PKP4: variants seen among roughly 807,000 people sequenced by gnomAD.
The protein encoded by PKP4 is plakophilin-4.
Under a neutral mutation model 145.1 loss-of-function variants are expected in PKP4, and 90 were observed. The ratio of observed to expected loss-of-function variants is 0.62; its 90% CI spans 0.52 to 0.74. The LOEUF (loss-of-function observed/expected upper bound fraction) is 0.74. Among genes scored for constraint, PKP4 ranks in the 30% least tolerant of loss-of-function variants. The probability of loss-of-function intolerance (pLI) is 0.00; values close to 1 mark genes in which losing one functional copy is unlikely to be tolerated. For missense variants in PKP4, 1,340 were observed against 1,482.7 expected (o/e 0.90, Z 1.58); for synonymous variants, 563 against 577.2 (o/e 0.98, Z 0.35).
At chr2:158,506,561 CTGAT>C (rs1189462262) in intron 1 of PKP4, among the ~76,000 whole-genome samples, 1 of 152,188 alleles carries the variant, frequency 6.6e-6, no homozygotes, top group Non-Finnish European at 1.5e-5. Context: ...TGCTTCTTGA[CTGAT>C]TGTGTATTTG....
intron 21 of PKP4, among the ~76,000 whole-genome samples, chr2:158,679,958 C>G (rs34315036): frequency 1.2e-3 from 184 of 152,328 alleles, no homozygotes; most frequent in African/African-American, 4.3e-3. Context: ...AGTAAATGTT[C>G]TAAAAGATGG....
Position 158,640,687 on chromosome 2 carries a change from C to T in PKP4, c.1623C>T (p.Phe541=), listed in dbSNP as rs375964354. ...PEVIHMLQHQ[F]PSVQANAAAY... ...TCATTCACATGCTTCAGCACCAGTT[C>T]CCATCTGTTCAGGCAAATGCAGCGG... The change falls in exon 10 of 22, where the codon TTC becomes TTT. Residue 541 remains phenylalanine, a synonymous_variant. Coordinates refer to ENST00000389759, the MANE Select transcript of PKP4 (RefSeq NM_003628.6). 7.4e-6 allele frequency: 12 copies of T among 1,613,892 alleles called. No individual in the cohort carries two copies. Among genetic ancestry groups the T allele is most frequent in the Admixed American group, 5.0e-5 (3 of 59,992 alleles).
intron 11 of PKP4, among the ~76,000 whole-genome samples, chr2:158,652,023 C>T (rs1351328475): frequency 6.6e-6 from 1 of 152,140 alleles, no homozygotes; most frequent in Non-Finnish European, 1.5e-5. Flanking sequence ...AAGCAAGCAT[C>T]TCTGCCAGCG....
chr2:158,487,793 G>A (rs1289659121), intron 1 of PKP4, among the ~76,000 whole-genome samples: 1 of 151,206 alleles, frequency 6.6e-6, no homozygotes, highest in Non-Finnish European at 1.5e-5. Context: ...GAGAGAGAGA[G>A]AAGAGAGAGA....
intron 9 of PKP4, 32 bp downstream of exon 9, chr2:158,634,321 A>G (rs1388033542): frequency 3.2e-6 from 5 of 1,570,576 alleles, no homozygotes; most frequent in Admixed American, 3.3e-5. Flanking sequence ...CTAGAAGGCT[A>G]CAGTATTGCA....
chr2:158,632,655 A>G (rs1460914074), intron 8 of PKP4: 1 of 152,120 alleles, frequency 6.6e-6, no homozygotes, highest in Non-Finnish European at 1.5e-5. Context: ...AAGTATCACA[A>G]ATTTATTAAC....
At chr2:158,481,094 T>C (rs543531170) in intron 1 of PKP4, among the ~76,000 whole-genome samples, 1 of 152,334 alleles carries the variant, frequency 6.6e-6, no homozygotes, top group African/African-American at 2.4e-5. Context: ...TTATACTTTT[T>C]GTTTTTAAAT....
chr2:158,561,921 TC>T (rs2046558264), intron 2 of PKP4, among the ~76,000 whole-genome samples: 1 of 130,976 alleles, frequency 7.6e-6, no homozygotes, highest in African/African-American at 3.0e-5. Flanking sequence ...ATGCCATCCC[TC>T]CCCCCAGCCC....
intron 3 of PKP4, among the ~76,000 whole-genome samples, chr2:158,592,630 T>G (rs908055534): frequency 6.6e-6 from 1 of 152,168 alleles, no homozygotes; most frequent in African/African-American, 2.4e-5. Context: ...ATCTTTACTC[T>G]GGATAATTAG....
At chr2:158,623,600 A>G (rs971235728) in intron 6 of PKP4, among the ~76,000 whole-genome samples, 14 of 152,038 alleles carry the variant, frequency 9.2e-5, no homozygotes, top group Non-Finnish European at 1.5e-5. Flanking sequence ...TGCCTTCCCA[A>G]AATTGTTGAA....
rs534435409 is a variant in PKP4, at chr2:158,588,032, T to C, written c.245+10649T>C. 1.3e-4 allele frequency among the ~76,000 whole-genome samples: 20 copies of C among 152,238 alleles called. No homozygotes were observed. The South Asian group carries it at 3.7e-3, about 28-fold the overall frequency. Reference sequence around the variant, plus strand: ...ATTGAAATGTGTAAATCTAGTTCATTCTTTTAACTGCTCTTGTATATTTAT... The same window carrying C: ...ATTGAAATGTGTAAATCTAGTTCATCCTTTTAACTGCTCTTGTATATTTAT... On this transcript the variant is annotated intron_variant, in intron 3 of 21. Transcript: ENST00000389759.
chr2:158,590,929 C>G lies in PKP4; in HGVS notation c.246-12141C>G, dbSNP rs144533063. On this transcript the variant is annotated intron_variant, in intron 3 of 21. Transcript: ENST00000389759. ...CAGAAAGGGAGACAGCCAGAAATCA[C>G]AGTCACCTGATACGATGCAATGAGA... Among the ~76,000 whole-genome samples, 769 of 152,226 alleles carry G rather than the reference C, an allele frequency of 5.1e-3. 8 individuals are homozygous for G. The highest frequency in any genetic ancestry group is 0.017 in the African/African-American group (722 of 41,546).
At chr2:158,503,368 A>T (rs776544948) in intron 1 of PKP4, among the ~76,000 whole-genome samples, 34 of 152,220 alleles carry the variant, frequency 2.2e-4, no homozygotes, top group Non-Finnish European at 4.1e-4. Flanking sequence ...ACCTAAGATT[A>T]AAAAATATTT....
intron 4 of PKP4, among the ~76,000 whole-genome samples, chr2:158,614,329 T>A (rs974932465): frequency 4.6e-5 from 7 of 152,174 alleles, no homozygotes; most frequent in Admixed American, 6.5e-5. Flanking sequence ...AGTTTTGAAA[T>A]ATCAAGGCAA....
intron 1 of PKP4, among the ~76,000 whole-genome samples, chr2:158,521,738 A>C (rs1378745432): frequency 6.6e-6 from 1 of 152,194 alleles, no homozygotes; most frequent in African/African-American, 2.4e-5. Flanking sequence ...GCAAATTCTT[A>C]ATTTCCTAGT....
At chr2:158,499,331 C>A (rs1244416841) in intron 1 of PKP4, among the ~76,000 whole-genome samples, 1 of 152,090 alleles carries the variant, frequency 6.6e-6, no homozygotes, top group Non-Finnish European at 1.5e-5. Flanking sequence ...AACCCTGAAC[C>A]CAGAGCAGTC....
At chr2:158,460,746 A>G (rs1689636226) in intron 1 of PKP4, among the ~76,000 whole-genome samples, 1 of 152,226 alleles carries the variant, frequency 6.6e-6, no homozygotes, top group Non-Finnish European at 1.5e-5. Flanking sequence ...ATAAATGCCT[A>G]TGGTATTGTA....
intron 1 of PKP4, among the ~76,000 whole-genome samples, chr2:158,467,636 A>C (rs747665033): frequency 3.6e-4 from 54 of 151,978 alleles, no homozygotes; most frequent in Admixed American, 2.9e-3. Context: ...ACTTGAGGCC[A>C]AGAGTTCAAG....
chr2:158,670,869 A>G (rs1467839987), intron 17 of PKP4, among the ~76,000 whole-genome samples: 5 of 152,188 alleles, frequency 3.3e-5, no homozygotes, highest in East Asian at 1.9e-4. Context: ...GCTGCTTGTC[A>G]TGGAGCTGTA....
Sources: allele counts gnomAD v4.1 joint callset (sites outside exome capture counted in the v4.1 genomes callset), GRCh38; gene constraint gnomAD v4.1.1; transcripts MANE v1.5; gene names NCBI Gene and HGNC (gene_info 2026-07-23, HGNC 2026-07-21).